SEM1: variants seen among roughly 807,000 people sequenced by gnomAD.
SEM1 encodes 26S proteasome complex subunit SEM1.
Under a neutral mutation model 12.7 loss-of-function variants are expected in SEM1, and 3 were observed. The observed-to-expected ratio is 0.24, with a 90% CI of 0.11 to 0.61. The LOEUF (loss-of-function observed/expected upper bound fraction) is 0.61, where lower values mean the gene tolerates loss of function less well. SEM1 is among the 20% of genes least tolerant of loss of function. The pLI, the probability that SEM1 is intolerant of heterozygous loss-of-function variation, is 0.88. For synonymous variants in SEM1, 30 were observed against 27.8 expected (o/e 1.08, Z -0.25); for missense variants, 59 against 81.3 (o/e 0.73, Z 1.06).
intron 2 of SEM1, among the ~76,000 whole-genome samples, chr7:96,550,939 T>G: frequency 6.6e-6 from 1 of 152,214 alleles, no homozygotes; most frequent in East Asian, 1.9e-4. Context: ...AAGAAACCCT[T>G]GCACTAATAT....
chr7:96,658,180 G>A (rs1373123429), intron 2 of SEM1, among the ~76,000 whole-genome samples: 2 of 152,090 alleles, frequency 1.3e-5, no homozygotes, highest in African/African-American at 2.4e-5. Flanking sequence ...CAACTCTCCA[G>A]GCTGCAGGGC....
At position 96,572,388 on chromosome 7, in the gene SEM1, T is replaced by C. The variant is rs1198178194; in HGVS notation, c.171-65690A>G. Among the ~76,000 whole-genome samples, 3 of 152,204 alleles carry C rather than the reference T, an allele frequency of 2.0e-5. 1 individual carries two copies. The highest frequency in any genetic ancestry group is 4.1e-4 in the South Asian group (2 of 4,834). On this transcript the variant is annotated intron_variant and NMD_transcript_variant, in intron 2 of 3. Coordinates refer to the SEM1 transcript ENST00000466986. ...ATCGTGATGTTAGGGTGACAATTTT[T>C]AGATCTTTCCTGCTTTCTCCTGTTG... is the stretch of plus-strand genomic sequence containing the variant.
chr7:96,636,401 C>T (rs1015169100), intron 2 of SEM1, among the ~76,000 whole-genome samples: 2 of 151,942 alleles, frequency 1.3e-5, no homozygotes, highest in African/African-American at 4.8e-5. Context: ...AGAATCTGTA[C>T]CTTCTTAAGT....
At chr7:96,553,670 T>C (rs968999685) in intron 2 of SEM1, among the ~76,000 whole-genome samples, 8 of 152,228 alleles carry the variant, frequency 5.3e-5, no homozygotes, top group African/African-American at 7.2e-5. Context: ...ATTGACTTGG[T>C]GATGCAGGCT....
chr7:96,622,545 C>T (rs1304634015), downstream of SEM1: 1 of 755,378 alleles, frequency 1.3e-6, no homozygotes, highest in Non-Finnish European at 2.4e-6. Context: ...GGCTTGGTAC[C>T]TTTGCCTTCT....
intron 2 of SEM1, among the ~76,000 whole-genome samples, chr7:96,643,291 TG>T (rs1808673550): frequency 6.6e-6 from 1 of 152,164 alleles, no homozygotes; most frequent in Non-Finnish European, 1.5e-5. Context: ...CTCATTCTTT[TG>T]TATGGCTGCA....
chr7:96,606,277 T>C (rs554787076), intron 2 of SEM1, among the ~76,000 whole-genome samples: 1 of 152,326 alleles, frequency 6.6e-6, no homozygotes, highest in South Asian at 2.1e-4. Flanking sequence ...AATAGAAGCC[T>C]ACTCAAGCCA....
chr7:96,676,944 A>G lies in SEM1; in HGVS notation c.171-3085T>C, dbSNP rs539368220. On this transcript the variant is annotated intron_variant, in intron 2 of 2. Transcript: ENST00000413065. ...CATGTTACTTTAAGACACTGATCAAAATCTTTTGTTCCTACTTCCATTCCC... is the reference window on the plus strand; with the variant it reads ...CATGTTACTTTAAGACACTGATCAAGATCTTTTGTTCCTACTTCCATTCCC... 5.9e-5 allele frequency among the ~76,000 whole-genome samples: 9 copies of G among 152,276 alleles called. No individual in the cohort carries two copies. In the South Asian group the frequency reaches 1.9e-3, roughly 32 times the overall value.
downstream of SEM1, among the ~76,000 whole-genome samples, chr7:96,618,074 T>A (rs558691504): frequency 6.6e-6 from 1 of 152,322 alleles, no homozygotes; most frequent in East Asian, 1.9e-4. Flanking sequence ...CCCTCCTCAT[T>A]TTTTAAAAAT....
At chr7:96,628,142 T>G (rs1329911389) in intron 2 of SEM1, among the ~76,000 whole-genome samples, 2 of 152,034 alleles carry the variant, frequency 1.3e-5, no homozygotes, top group Non-Finnish European at 1.5e-5. Context: ...TTATTTTCAG[T>G]CTATGTGTGT....
chr7:96,677,330 G>A (rs1789476528), intron 2 of SEM1, among the ~76,000 whole-genome samples: 1 of 152,138 alleles, frequency 6.6e-6, no homozygotes, highest in South Asian at 2.1e-4. Flanking sequence ...GGTTCAGTTG[G>A]TGGTTATCGT....
At chr7:96,494,704 G>T (rs1432347576) in intron 1 of SEM1, among the ~76,000 whole-genome samples, 1 of 151,988 alleles carries the variant, frequency 6.6e-6, no homozygotes, top group East Asian at 1.9e-4. Flanking sequence ...AACTCAGAGA[G>T]ATAATGAGAG....
intron 3 of SEM1, among the ~76,000 whole-genome samples, chr7:96,506,139 T>C (rs1159099602): frequency 6.6e-6 from 1 of 152,114 alleles, no homozygotes; most frequent in African/African-American, 2.4e-5. Context: ...GAAATGACCA[T>C]AGAAGTCTTT....
chr7:96,666,637 A>ATTT lies in SEM1; in HGVS notation c.170+28158_170+28160dup, dbSNP rs201188530. On this transcript the variant is annotated intron_variant, in intron 2 of 2. Transcript: ENST00000417009. The stretch of plus-strand genomic sequence containing the variant: ...TGCTTGAATGCTGCTATTGAATCCA[A>ATTT]TTTTTTTTTTTTTTTTTGCCTCAAC... Among the ~76,000 whole-genome samples the ATTT allele has an allele frequency of 1.8e-4, 24 of 134,542 alleles. No individual in the cohort carries two copies. In the South Asian group the frequency reaches 2.7e-3, roughly 15 times the overall value. The allele number at this position is 134,542 out of a possible 152,430, so 88.3% of individuals were successfully genotyped here. A position where few individuals can be genotyped will look rare whatever the true frequency, so the allele number is the denominator to read the frequency against.
intron 2 of SEM1, among the ~76,000 whole-genome samples, chr7:96,580,916 G>T (rs1339429811): frequency 6.6e-6 from 1 of 152,012 alleles, no homozygotes; most frequent in East Asian, 1.9e-4. Context: ...CCATTTTGTA[G>T]GTTGCCTGTT....
chr7:96,584,662 C>T (rs1240299484), intron 2 of SEM1, among the ~76,000 whole-genome samples: 4 of 149,724 alleles, frequency 2.7e-5, no homozygotes, highest in South Asian at 2.1e-4. Flanking sequence ...AGGCTTTGCT[C>T]GTTTCTTTTT....
chr7:96,620,515 G>A (rs1412492751), downstream of SEM1, among the ~76,000 whole-genome samples: 1 of 152,182 alleles, frequency 6.6e-6, no homozygotes, highest in Non-Finnish European at 1.5e-5. Context: ...TCAGGCCTGA[G>A]GCCCTAGTGG....
intron 2 of SEM1, among the ~76,000 whole-genome samples, chr7:96,537,875 C>A (rs1405804686): frequency 1.3e-5 from 2 of 151,530 alleles, no homozygotes; most frequent in African/African-American, 4.8e-5. Context: ...ATTTTTCTGC[C>A]CTGTCCTCAA....
chr7:96,572,011 GGGAGAGTGTACATGTACA>G (rs1361043414), intron 2 of SEM1, among the ~76,000 whole-genome samples: 1 of 152,052 alleles, frequency 6.6e-6, no homozygotes, highest in Non-Finnish European at 1.5e-5. Context: ...GTTTAGTCTT[GGGAGAGTGTACATGTACA>G]GGAATTTATC....
Sources: gnomAD v4.1 joint callset for allele counts (sites outside exome capture counted in the v4.1 genomes callset) on GRCh38, gnomAD v4.1.1 for gene constraint, MANE v1.5 for transcripts, NCBI Gene and HGNC (gene_info 2026-07-23, HGNC 2026-07-21) for gene names.